The following ZNF385D variants were observed in gnomAD, a reference collection of about 807,000 sequenced individuals.
ZNF385D encodes zinc finger protein 659.
In ZNF385D, 15 loss-of-function variants were observed where a neutral mutation model predicts 35.8. The ratio of observed to expected loss-of-function variants is 0.42; its 90% confidence interval spans 0.28 to 0.64. The LOEUF (loss-of-function observed/expected upper bound fraction) is 0.64, where lower values mean the gene tolerates loss of function less well. Ranked by LOEUF, ZNF385D falls within the 30% of genes least tolerant of loss-of-function variation. The pLI is 0.23. For missense variants in ZNF385D, 474 were observed against 494.6 expected, an observed-to-expected ratio of 0.96 and a Z score of 0.39; for synonymous variants, 212 against 186.8, an observed-to-expected ratio of 1.13 and a Z score of -1.10.
At chr3:21,497,410 G>GA (rs1174482809) in intron 4 of ZNF385D, among the ~76,000 whole-genome samples, 1 of 152,028 alleles carries the variant, frequency 6.6e-6, no homozygotes, top group Non-Finnish European at 1.5e-5. Flanking sequence ...ACAAACAAAT[G>GA]AAAAAACACT....
At chr3:21,555,205 G>A (rs2062689980) in intron 3 of ZNF385D, among the ~76,000 whole-genome samples, 1 of 149,624 alleles carries the variant, frequency 6.7e-6, no homozygotes, top group Admixed American at 6.8e-5. Flanking sequence ...AACACATACA[G>A]GCAATTGTAG....
At chr3:21,917,639 TAG>T (rs1480938985) in intron 3 of ZNF385D, among the ~76,000 whole-genome samples, 1 of 152,210 alleles carries the variant, frequency 6.6e-6, no homozygotes, top group Non-Finnish European at 1.5e-5. Context: ...CTTCACGTTA[TAG>T]AGTTTTAAAG....
chr3:22,094,294 C>G (rs1016184251), intron 3 of ZNF385D, among the ~76,000 whole-genome samples: 1 of 141,256 alleles, frequency 7.1e-6, no homozygotes, highest in Non-Finnish European at 1.6e-5. Context: ...TGAATGCACA[C>G]TTGGCTAGGT....
Position 22,009,867 on chromosome 3 carries a change from T to G in ZNF385D, c.325+158950A>C, listed in dbSNP as rs566952349. 5.3e-5 allele frequency among the ~76,000 whole-genome samples: 8 copies of G among 151,988 alleles called. No homozygotes were observed. In the South Asian group the frequency reaches 1.2e-3, roughly 24 times the overall value. ...TAAGAGTAGTTATAAATATATAGATTTGTGTTATAAGCCTATAGTTCATAA... is the reference window on the plus strand; with the variant it reads ...TAAGAGTAGTTATAAATATATAGATGTGTGTTATAAGCCTATAGTTCATAA... On this transcript the variant is annotated intron_variant, in intron 3 of 5. Transcript: ENST00000494108.
intron 3 of ZNF385D, among the ~76,000 whole-genome samples, chr3:21,807,056 G>C (rs2072683465): frequency 1.3e-5 from 2 of 151,988 alleles, no homozygotes; most frequent in South Asian, 4.1e-4. Flanking sequence ...CCAGAAGAGA[G>C]AAAGAAGGAG....
intron 2 of ZNF385D, among the ~76,000 whole-genome samples, chr3:21,591,032 A>C (rs542353017): frequency 4.0e-4 from 60 of 149,190 alleles, no homozygotes; most frequent in Middle Eastern, 3.4e-3. Context: ...TTGTCTCCCC[A>C]AAAAAAAAAT....
At chr3:21,590,523 T>G (rs957788801) in intron 2 of ZNF385D, among the ~76,000 whole-genome samples, 1 of 151,912 alleles carries the variant, frequency 6.6e-6, no homozygotes, top group Admixed American at 6.6e-5. Context: ...TAATATAACT[T>G]TATAATGAAC....
chr3:21,471,277 TCTCTCTCTCTCTCTCTCTCACA>T (rs1353387358), intron 4 of ZNF385D, among the ~76,000 whole-genome samples: 2,475 of 23,164 alleles, frequency 0.11, 33 homozygotes, highest in Non-Finnish European at 0.15. Context: ...TCTCTCTTTC[TCTCTCTCTCTCTCTCTCTCACA>T]CACACACACA....
At chr3:21,844,706 A>T (rs775778429) in intron 3 of ZNF385D, among the ~76,000 whole-genome samples, 2 of 151,948 alleles carry the variant, frequency 1.3e-5, no homozygotes, top group African/African-American at 2.4e-5. Flanking sequence ...GGCCTATGGG[A>T]ATTTGTTACA....
At chr3:22,076,850 A>G (rs1016929839) in intron 3 of ZNF385D, among the ~76,000 whole-genome samples, 2 of 151,998 alleles carry the variant, frequency 1.3e-5, no homozygotes, top group Non-Finnish European at 2.9e-5. Flanking sequence ...TTAGGAAATT[A>G]TCCATTTTAA....
At chr3:22,166,300 T>G (rs970669459) in intron 3 of ZNF385D, among the ~76,000 whole-genome samples, 2 of 152,166 alleles carry the variant, frequency 1.3e-5, no homozygotes, top group African/African-American at 4.8e-5. Flanking sequence ...AAATATTTTG[T>G]TGAATAGTAT....
intron 3 of ZNF385D, among the ~76,000 whole-genome samples, chr3:21,801,742 C>A (rs1231240120): frequency 6.6e-6 from 1 of 152,156 alleles, no homozygotes; most frequent in Non-Finnish European, 1.5e-5. Flanking sequence ...TGGCTTCCAG[C>A]TGAAAACTCA....
chr3:22,314,494 AT>A (rs1279427812), intron 2 of ZNF385D, among the ~76,000 whole-genome samples: 2 of 151,962 alleles, frequency 1.3e-5, no homozygotes, highest in African/African-American at 4.8e-5. Flanking sequence ...ATATATATTT[AT>A]GCCACAGTTT....
At chr3:22,006,762 T>G (rs1696234911) in intron 3 of ZNF385D, among the ~76,000 whole-genome samples, 1 of 151,832 alleles carries the variant, frequency 6.6e-6, no homozygotes, top group Non-Finnish European at 1.5e-5. Flanking sequence ...AATAAACATC[T>G]CTTGAAATAT....
intron 4 of ZNF385D, among the ~76,000 whole-genome samples, chr3:21,494,298 TA>T (rs1705656172): frequency 6.6e-6 from 1 of 152,150 alleles, no homozygotes; most frequent in Non-Finnish European, 1.5e-5. Context: ...GTGAAGAACA[TA>T]AACTGTAGGC....
At chr3:22,164,215 ACTTTTTTTTT>A (rs1706157773) in intron 3 of ZNF385D, among the ~76,000 whole-genome samples, 1 of 91,030 alleles carries the variant, frequency 1.1e-5, no homozygotes, top group African/African-American at 4.1e-5. Context: ...CAAAAGGAGC[ACTTTTTTTTT>A]TTTTTTTTTT....
At chr3:21,676,627 T>A (rs1393020812) in intron 1 of ZNF385D, among the ~76,000 whole-genome samples, 1 of 152,100 alleles carries the variant, frequency 6.6e-6, no homozygotes, top group Non-Finnish European at 1.5e-5. Context: ...GCTGGATAAC[T>A]TTACATACAT....
chr3:22,186,244 A>G lies in ZNF385D; in HGVS notation c.107-17209T>C, dbSNP rs115469010. 7.6e-3 allele frequency among the ~76,000 whole-genome samples: 1,158 copies of G among 152,282 alleles called. 13 individuals are homozygous for G. The highest frequency in any genetic ancestry group is 0.026 in the African/African-American group (1,079 of 41,556). ...CAATACATAATGTATCAGAAAAAAAATCTTCAAAGTCATCTTGGAGAGAAA... is the reference window on the plus strand; with the variant it reads ...CAATACATAATGTATCAGAAAAAAAGTCTTCAAAGTCATCTTGGAGAGAAA... On this transcript the variant is annotated intron_variant, in intron 2 of 5. Coordinates refer to the ZNF385D transcript ENST00000494108.
intron 3 of ZNF385D, among the ~76,000 whole-genome samples, chr3:22,058,579 C>A (rs1337097672): frequency 1.3e-5 from 2 of 152,066 alleles, no homozygotes; most frequent in African/African-American, 4.8e-5. Flanking sequence ...AAAATGAGGG[C>A]TGTCAAATAA....
Sources: gnomAD v4.1 joint callset for allele counts (sites outside exome capture counted in the v4.1 genomes callset) on GRCh38, gnomAD v4.1.1 for gene constraint, MANE v1.5 for transcripts, NCBI Gene and HGNC (gene_info 2026-07-23, HGNC 2026-07-21) for gene names.